L3MBTL4: variants seen among roughly 807,000 people sequenced by gnomAD.
The protein encoded by L3MBTL4 is L3MBTL histone methyl-lysine binding protein 4.
A neutral mutation model predicts 84.5 loss-of-function variants in L3MBTL4; 70 were observed. The observed-to-expected ratio is 0.83, with a 90% CI of 0.68 to 1.01. The LOEUF is 1.01. L3MBTL4 is among the 50% of genes least tolerant of loss of function. The pLI, the probability that L3MBTL4 is intolerant of heterozygous loss-of-function variation, is 0.00. For missense variants in L3MBTL4, 715 were observed against 754.8 expected (o/e 0.95, Z 0.62); for synonymous variants, 274 against 259.8 (o/e 1.05, Z -0.52).
intron 16 of L3MBTL4, among the ~76,000 whole-genome samples, chr18:6,046,124 A>G (rs772528609): frequency 8.5e-5 from 13 of 152,172 alleles, no homozygotes; most frequent in Non-Finnish European, 1.5e-5. Flanking sequence ...CAGACTTTAA[A>G]CCAACAACAG....
At chr18:6,037,382 A>G (rs1030805646) in intron 16 of L3MBTL4, among the ~76,000 whole-genome samples, 7 of 152,236 alleles carry the variant, frequency 4.6e-5, no homozygotes, top group Admixed American at 2.0e-4. Flanking sequence ...ATAGACTCCA[A>G]GACTCTGGAG....
intron 13 of L3MBTL4, among the ~76,000 whole-genome samples, chr18:6,155,320 A>G (rs1290889248): frequency 1.3e-5 from 2 of 152,218 alleles, no homozygotes; most frequent in African/African-American, 4.8e-5. Flanking sequence ...AGTGAGTGAG[A>G]TGTAGCAGAA....
At chr18:6,241,569 G>A in intron 7 of L3MBTL4, 120 bp from the exon 8 acceptor site, 1 of 569,534 alleles carries the variant, frequency 1.8e-6, no homozygotes, top group Non-Finnish European at 3.1e-6. Context: ...GAAAAAAAAC[G>A]CAATTACTTT....
intron 16 of L3MBTL4, among the ~76,000 whole-genome samples, chr18:6,067,049 T>C (rs1367820397): frequency 3.3e-5 from 5 of 152,144 alleles, no homozygotes; most frequent in Non-Finnish European, 7.4e-5. Flanking sequence ...CTCTCCTTCA[T>C]TTATGAAGCT....
intron 16 of L3MBTL4, among the ~76,000 whole-genome samples, chr18:6,010,649 C>A (rs1410565471): frequency 4.6e-5 from 7 of 152,214 alleles, no homozygotes; most frequent in Non-Finnish European, 1.0e-4. Context: ...ATCCTCCCCG[C>A]AACCCGCTTT....
intron 10 of L3MBTL4, among the ~76,000 whole-genome samples, chr18:6,217,477 A>G (rs2046374633): frequency 6.6e-6 from 1 of 152,214 alleles, no homozygotes; most frequent in African/African-American, 2.4e-5. Flanking sequence ...TCATTGTTGT[A>G]TAATATTCCA....
At chr18:6,301,115 C>T (rs566454356) in intron 4 of L3MBTL4, among the ~76,000 whole-genome samples, 1 of 152,054 alleles carries the variant, frequency 6.6e-6, no homozygotes, top group South Asian at 2.1e-4. Context: ...CTTTAAAAAT[C>T]TCAATTCTTA....
At chr18:6,167,813 G>A (rs1286036498) in intron 13 of L3MBTL4, among the ~76,000 whole-genome samples, 1 of 152,102 alleles carries the variant, frequency 6.6e-6, no homozygotes, top group Non-Finnish European at 1.5e-5. Flanking sequence ...ACATAGTATT[G>A]GAAGTTCTGG....
At chr18:6,215,703 T>A (rs368494788) in intron 11 of L3MBTL4, 47 bp downstream of exon 11, 19 of 1,106,490 alleles carry the variant, frequency 1.7e-5, no homozygotes, top group Non-Finnish European at 2.4e-5. Flanking sequence ...CATGACTCAA[T>A]ACAAACGTTG....
chr18:6,174,451 T>C lies in L3MBTL4; in HGVS notation c.982-2509A>G, dbSNP rs181027861. On this transcript the variant is annotated intron_variant, in intron 12 of 18. Coordinates refer to ENST00000317931, the MANE Select transcript of L3MBTL4 (RefSeq NM_001330559.2). Reference sequence around the variant, plus strand: ...GAAATTCTAGAAGTCAATAGCAAAATATCTTAAATATTGCTGGATGACAAT... The same window carrying C: ...GAAATTCTAGAAGTCAATAGCAAAACATCTTAAATATTGCTGGATGACAAT... Among the ~76,000 whole-genome samples the C allele has an allele frequency of 4.1e-3, 625 of 152,186 alleles. 3 individuals are homozygous for C. The highest frequency in any genetic ancestry group is 0.014 in the African/African-American group (579 of 41,534).
At chr18:6,031,126 A>ATCCAAGT in intron 16 of L3MBTL4, 1 of 985,438 alleles carries the variant, frequency 1.0e-6, no homozygotes. Flanking sequence ...GCCACACGTG[A>ATCCAAGT]TCCAAGTTCT....
intron 5 of L3MBTL4, among the ~76,000 whole-genome samples, chr18:6,261,817 T>C (rs1261123305): frequency 6.6e-6 from 1 of 152,144 alleles, no homozygotes; most frequent in Non-Finnish European, 1.5e-5. Flanking sequence ...AGAATAATGT[T>C]AATACCCTGA....
At chr18:6,341,891 A>AG (rs951587917) in intron 1 of L3MBTL4, among the ~76,000 whole-genome samples, 1 of 152,142 alleles carries the variant, frequency 6.6e-6, no homozygotes, top group Non-Finnish European at 1.5e-5. Flanking sequence ...AAGTAGTAAG[A>AG]GAAAAACAAC....
At chr18:6,276,529 G>A (rs2049084686) in intron 4 of L3MBTL4, among the ~76,000 whole-genome samples, 1 of 152,088 alleles carries the variant, frequency 6.6e-6, no homozygotes, top group Non-Finnish European at 1.5e-5. Context: ...TAAGAATACA[G>A]TGGACAGAGT....
rs202182210 is a variant in L3MBTL4, at chr18:5,969,457, C to G, written c.1550G>C (p.Cys517Ser). The G allele has an allele frequency of 1.1e-5, 17 of 1,613,898 alleles. No homozygotes were observed. In the South Asian group the frequency reaches 1.9e-4, roughly 18 times the overall value. ...RDLPLGREQH[C>S]KLLPGVADIR... ...GTCAGCCACGCCTGGAAGCAACTTG[C>G]AGTGTTGCTCCCTGCCGAGGGGAAG... is the stretch of plus-strand genomic sequence containing the variant. The change falls in exon 17 of 19, where the codon TGC (cysteine) becomes TCC (serine). Residue 517 changes from cysteine to serine, a missense_variant. By Grantham distance (112) the Cys-to-Ser change is moderately radical. Transcript: ENST00000317931.
intron 16 of L3MBTL4, among the ~76,000 whole-genome samples, chr18:6,000,024 C>T (rs1437858596): frequency 2.6e-5 from 4 of 151,902 alleles, no homozygotes; most frequent in African/African-American, 9.7e-5. Flanking sequence ...CCCTCATTTC[C>T]TGTCAATATA....
chr18:5,958,105 A>G (rs947483246), intron 18 of L3MBTL4, among the ~76,000 whole-genome samples: 7 of 83,198 alleles, frequency 8.4e-5, no homozygotes, highest in Non-Finnish European at 1.3e-4. Flanking sequence ...AAGAAGAAGA[A>G]GAAGAAGAAG....
At chr18:6,397,216 A>G (rs1354703762) in intron 1 of L3MBTL4, 1 of 152,252 alleles carries the variant, frequency 6.6e-6, no homozygotes, top group African/African-American at 2.4e-5. Flanking sequence ...GGAGACAAGC[A>G]TTAAAAACAG....
At chr18:6,329,646 C>A (rs2051921509) in intron 1 of L3MBTL4, among the ~76,000 whole-genome samples, 2 of 152,162 alleles carry the variant, frequency 1.3e-5, no homozygotes, top group African/African-American at 4.8e-5. Context: ...GCGGTGGGAA[C>A]TGTCTACAGT....
Sources: gnomAD v4.1 joint callset for allele counts (sites outside exome capture counted in the v4.1 genomes callset) on GRCh38, gnomAD v4.1.1 for gene constraint, MANE v1.5 for transcripts, NCBI Gene and HGNC (gene_info 2026-07-23, HGNC 2026-07-21) for gene names.